UBR2: variants seen among roughly 807,000 people sequenced by gnomAD.
The protein encoded by UBR2 is E3 ubiquitin-protein ligase UBR2.
A neutral mutation model predicts 247.9 loss-of-function variants in UBR2; 92 were observed. The observed-to-expected ratio is 0.37, with a 90% CI of 0.31 to 0.44. The LOEUF (loss-of-function observed/expected upper bound fraction) is 0.44. Among genes scored for constraint, UBR2 ranks in the 20% least tolerant of loss-of-function variants. UBR2 has a pLI of 1.00. For missense variants in UBR2, 1,613 were observed against 2,112.6 expected (o/e 0.76, Z 4.64); for synonymous variants, 672 against 693.5 (o/e 0.97, Z 0.49).
intron 1 of UBR2, among the ~76,000 whole-genome samples, chr6:42,566,237 G>A (rs992349725): frequency 6.6e-6 from 1 of 152,022 alleles, no homozygotes; most frequent in African/African-American, 2.4e-5. Flanking sequence ...AAAGTAGTGC[G>A]GGAGGCCAGT....
At chr6:42,665,198 TAC>T (rs1798036534) in intron 32 of UBR2, among the ~76,000 whole-genome samples, 1 of 152,202 alleles carries the variant, frequency 6.6e-6, no homozygotes, top group Admixed American at 6.5e-5. Context: ...AGATTTTTAA[TAC>T]ACAGTGTTAT....
At chr6:42,685,515 A>G (rs1438207873) in intron 44 of UBR2, among the ~76,000 whole-genome samples, 1 of 148,562 alleles carries the variant, frequency 6.7e-6, no homozygotes, top group Non-Finnish European at 1.5e-5. Context: ...CCCAGGATGG[A>G]GTGCAGTGGT....
intron 11 of UBR2, among the ~76,000 whole-genome samples, chr6:42,617,796 T>TCAA (rs1794657727): frequency 6.6e-6 from 1 of 152,184 alleles, no homozygotes; most frequent in South Asian, 2.1e-4. Context: ...AACTGATTAG[T>TCAA]TCACATTAAG....
chr6:42,631,891 A>ATATATATATATATATATAT lies in UBR2; in HGVS notation c.1282-661_1282-660insTATATATATATATATATAT, dbSNP rs752152787. On this transcript the variant is annotated intron_variant, in intron 11 of 46. Transcript: ENST00000372901. Reference sequence around the variant, plus strand: ...ATATATATATATATATATATATATAAATACAGGTTCTGTAATTATATATAT... The same window carrying ATATATATATATATATATAT: ...ATATATATATATATATATATATATAATATATATATATATATATATATACAGGTTCTGTAATTATATATAT... Among the ~76,000 whole-genome samples, 273 of 113,970 alleles carry ATATATATATATATATATAT rather than the reference A, an allele frequency of 2.4e-3. 22 individuals are homozygous for ATATATATATATATATATAT. The highest frequency in any genetic ancestry group is 3.2e-3 in the South Asian group (12 of 3,724). The allele number at this position is 113,970 out of a possible 152,430, so 74.8% of individuals were successfully genotyped here. A position where few individuals can be genotyped will look rare whatever the true frequency, so the allele number is the denominator to read the frequency against.
Position 42,617,413 on chromosome 6 carries a change from A to G in UBR2, c.1187A>G (p.Tyr396Cys), listed in dbSNP as rs1411541517. The G allele has an allele frequency of 6.2e-7, 1 of 1,603,234 alleles. No homozygotes were observed. The highest frequency in any genetic ancestry group is 8.5e-7 in the Non-Finnish European group (1 of 1,174,384). The change falls in exon 11 of 47, where the codon TAT becomes TGT. Residue 396 changes from tyrosine (Y) to cysteine (C), a missense_variant. Tyr to Cys is a radical substitution (Grantham distance 194). Coordinates refer to ENST00000372901, the MANE Select transcript of UBR2 (RefSeq NM_001363705.2). ...KLFAVRFAKN[Y>C]ERLQSDYVTD... ...CTTTTTTTGCCTTCTTAATAGAACT[A>G]TGAGCGTTTGCAGAGTGATTATGTG...
At position 42,659,897 on chromosome 6, in the gene UBR2, C is replaced by A. The variant is rs769847670; in HGVS notation, c.3442+42C>A. ...TCCTCATCTTCCCTTTTAATAACAACTGCCAGTTAATGTGGTTGGTGATAC... is the reference window on the plus strand; with the variant it reads ...TCCTCATCTTCCCTTTTAATAACAAATGCCAGTTAATGTGGTTGGTGATAC... On this transcript the variant is annotated intron_variant, in intron 30 of 46. Transcript: ENST00000372901. This position sits in a 1 kb window ranked among gnomAD's most constrained non-coding sequence, Gnocchi z 4.3. 1 of 1,581,178 alleles carries A rather than the reference C, an allele frequency of 6.3e-7. No homozygotes were observed. Among genetic ancestry groups the A allele is most frequent in the South Asian group, 1.1e-5 (1 of 89,964 alleles).
intron 11 of UBR2, among the ~76,000 whole-genome samples, chr6:42,618,825 CA>C (rs1318490629): frequency 6.6e-6 from 1 of 152,150 alleles, no homozygotes; most frequent in Non-Finnish European, 1.5e-5. Flanking sequence ...CAGAACCGGC[CA>C]AGTGGGTTTG....
At chr6:42,584,272 A>G (rs893320659) in intron 2 of UBR2, among the ~76,000 whole-genome samples, 6 of 152,206 alleles carry the variant, frequency 3.9e-5, no homozygotes, top group African/African-American at 1.4e-4. Flanking sequence ...CTGAGATTAC[A>G]GGCGTGAGCC....
intron 1 of UBR2, among the ~76,000 whole-genome samples, chr6:42,566,726 T>G (rs1790801431): frequency 6.0e-5 from 1 of 16,532 alleles, no homozygotes; most frequent in Non-Finnish European, 1.1e-4. Context: ...GAACAATAAG[T>G]TTTTTTTTTT....
chr6:42,597,832 C>T (rs901351210), intron 4 of UBR2, among the ~76,000 whole-genome samples: 1 of 151,936 alleles, frequency 6.6e-6, no homozygotes, highest in Admixed American at 6.6e-5. Flanking sequence ...AAGAGAATCG[C>T]TTGAACCCGA....
At position 42,637,079 on chromosome 6, in the gene UBR2, T is replaced by C. The variant is rs754077775; in HGVS notation, c.1743T>C (p.Thr581=). The C allele has an allele frequency of 2.5e-6, 4 of 1,614,198 alleles. No individual in the cohort carries two copies. Among genetic ancestry groups the C allele is most frequent in the Non-Finnish European group, 2.5e-6 (3 of 1,180,026 alleles). ...TGATGCAGTGTCATGGTGGTTATACTGATGGTGAACAGCCAATCACACTAA... is the reference window on the plus strand; with the variant it reads ...TGATGCAGTGTCATGGTGGTTATACCGATGGTGAACAGCCAATCACACTAA... ...AVLMQCHGGY[T]DGEQPITLSI... Residue 581 remains threonine, a synonymous_variant, in exon 15 of 47, where the codon ACT becomes ACC. Transcript: ENST00000372901.
At chr6:42,598,911 T>A (rs1408002436) in intron 4 of UBR2, among the ~76,000 whole-genome samples, 3 of 152,214 alleles carry the variant, frequency 2.0e-5, no homozygotes, top group Admixed American at 2.0e-4. Flanking sequence ...ACATCTTTTT[T>A]AATATACCAC....
chr6:42,678,123 T>A (rs1798820789), intron 40 of UBR2, among the ~76,000 whole-genome samples: 1 of 152,126 alleles, frequency 6.6e-6, no homozygotes, highest in Non-Finnish European at 1.5e-5. Flanking sequence ...GATCACAAGA[T>A]CAGGAGATCG....
At chr6:42,580,762 C>T (rs934757202) in intron 2 of UBR2, among the ~76,000 whole-genome samples, 11 of 152,126 alleles carry the variant, frequency 7.2e-5, no homozygotes, top group African/African-American at 9.7e-5. Context: ...AGGATGGTCT[C>T]GATCTCCTGA....
chr6:42,673,912 T>C, intron 37 of UBR2, 25 bp downstream of exon 37: 1 of 1,571,468 alleles, frequency 6.4e-7, no homozygotes, highest in Non-Finnish European at 8.7e-7. Context: ...ATTTATAACA[T>C]GTTGTAATTT....
rs1289367304 is a variant in UBR2, at chr6:42,693,421, T to C, written c.*2248T>C. 6.6e-6 allele frequency: 1 copy of C among 152,232 alleles called. No individual in the cohort carries two copies. Among genetic ancestry groups the C allele is most frequent in the East Asian group, 1.9e-4 (1 of 5,198 alleles). The allele number at this position is 152,232 out of a possible 1,614,324, so 9.4% of individuals were successfully genotyped here. Reference sequence around the variant, plus strand: ...TAATAAATTGGCTATAACTTTAATATCTGTGGACAACTTGTAAAATTTGGA... The same window carrying C: ...TAATAAATTGGCTATAACTTTAATACCTGTGGACAACTTGTAAAATTTGGA... On this transcript the variant is annotated 3_prime_UTR_variant, in exon 47 of 47. Coordinates refer to ENST00000372901, the MANE Select transcript of UBR2 (RefSeq NM_001363705.2).
At chr6:42,638,275 T>C (rs990341704) in intron 15 of UBR2, among the ~76,000 whole-genome samples, 4 of 152,160 alleles carry the variant, frequency 2.6e-5, no homozygotes, top group Non-Finnish European at 5.9e-5. Flanking sequence ...GTTATCAGAT[T>C]TGTGGGCCTA....
intron 11 of UBR2, among the ~76,000 whole-genome samples, chr6:42,622,040 G>A (rs796814721): frequency 2.0e-5 from 3 of 151,882 alleles, no homozygotes; most frequent in African/African-American, 7.2e-5. Context: ...TTTTGAGATG[G>A]AGTCTTGCTC....
intron 11 of UBR2, among the ~76,000 whole-genome samples, chr6:42,626,858 G>A (rs1795379663): frequency 6.6e-6 from 1 of 152,094 alleles, no homozygotes; most frequent in Admixed American, 6.6e-5. Context: ...TGGGATTCTG[G>A]CCTCTCCAAC....
Sources: allele counts gnomAD v4.1 joint callset (sites outside exome capture counted in the v4.1 genomes callset), GRCh38; gene constraint gnomAD v4.1.1; non-coding constraint Gnocchi (gnomAD v3.1); transcripts MANE v1.5; gene names NCBI Gene and HGNC (gene_info 2026-07-23, HGNC 2026-07-21).